The following ESPL1 variants were observed in gnomAD, a reference collection of about 807,000 sequenced individuals.
ESPL1 encodes separin.
ESPL1 carries 50 observed loss-of-function variants against 217.2 expected under a neutral mutation model. The observed-to-expected ratio is 0.23, with a 90% CI of 0.18 to 0.29. The LOEUF (loss-of-function observed/expected upper bound fraction) is 0.29, where lower values mean the gene tolerates loss of function less well. Among genes scored for constraint, ESPL1 ranks in the 10% least tolerant of loss-of-function variants. The pLI is 1.00. For synonymous variants in ESPL1, 994 were observed against 1,081.3 expected (o/e 0.92, Z 1.58); for missense variants, 1,834 against 2,603.0 (o/e 0.70, Z 6.43).
rs1394063461 is a variant in ESPL1 at position 53,274,802 on chromosome 12, C to T, written c.1507-15C>T. Reference sequence around the variant, plus strand: ...GGTTCCTCTCCAGTTTGGTCTGTTCCCTTTCTCTGGTCAGTTGCACAGGTG... The same window carrying T: ...GGTTCCTCTCCAGTTTGGTCTGTTCTCTTTCTCTGGTCAGTTGCACAGGTG... On this transcript the variant is annotated splice_polypyrimidine_tract_variant and intron_variant, in intron 6 of 30. Coordinates refer to ENST00000257934, the MANE Select transcript of ESPL1 (RefSeq NM_012291.5). The T allele has an allele frequency of 5.0e-6, 8 of 1,611,894 alleles. No individual in the cohort carries two copies. Among genetic ancestry groups the T allele is most frequent in the Non-Finnish European group, 5.9e-6 (7 of 1,178,560 alleles).
chr12:53,272,270 A>C (rs111814114), intron 5 of ESPL1, among the ~76,000 whole-genome samples: 3 of 152,252 alleles, frequency 2.0e-5, no homozygotes, highest in African/African-American at 7.2e-5. Context: ...CGTGATAAGA[A>C]ATGTGGGGGA....
intron 5 of ESPL1, 67 bp from the exon 6 acceptor site, chr12:53,272,654 G>C: frequency 1.3e-6 from 2 of 1,542,266 alleles, no homozygotes; most frequent in South Asian, 2.3e-5. Flanking sequence ...GATCTCTGCT[G>C]CCTCTCCAGG....
In ESPL1 at chr12:53,268,761, G is replaced by A. The variant is rs1196078292; in HGVS notation, c.-6G>A. 11 of 1,602,124 alleles carry A rather than the reference G, an allele frequency of 6.9e-6. No individual in the cohort carries two copies. Among genetic ancestry groups the A allele is most frequent in the Non-Finnish European group, 9.4e-6 (11 of 1,171,292 alleles). On this transcript the variant is annotated 5_prime_UTR_variant, in exon 2 of 31. Transcript: ENST00000257934. The stretch of plus-strand genomic sequence containing the variant: ...TTGGTCTCCTTTTCCCTAGCTCTCC[G>A]GTGTCATGAGGAGCTTCAAAAGAGT...
intron 16 of ESPL1, 55 bp from the exon 17 acceptor site, chr12:53,284,003 T>C (rs910858982): frequency 8.0e-5 from 104 of 1,305,658 alleles, no homozygotes; most frequent in Non-Finnish European, 1.1e-4. Flanking sequence ...AGAGAAAGAC[T>C]CTCCAGGAAA....
At chr12:53,291,352 G>T (rs1944056768) in intron 25 of ESPL1, among the ~76,000 whole-genome samples, 1 of 151,534 alleles carries the variant, frequency 6.6e-6, no homozygotes, top group Non-Finnish European at 1.5e-5. Flanking sequence ...CAGCACTTTG[G>T]GAGGCCGAGG....
chr12:53,283,007 T>C, intron 14 of ESPL1, 122 bp from the exon 15 acceptor site: 3 of 1,291,708 alleles, frequency 2.3e-6, no homozygotes, highest in Non-Finnish European at 3.3e-6. Flanking sequence ...AGTTATGAGA[T>C]TGATTAGCTC....
At position 53,290,410 on chromosome 12, in the gene ESPL1, A is replaced by G. The variant is rs1260061483; in HGVS notation, c.5305A>G (p.Ser1769Gly). The G allele has an allele frequency of 6.2e-7, 1 of 1,613,500 alleles. No individual in the cohort carries two copies. The highest frequency in any genetic ancestry group is 8.5e-7 in the Non-Finnish European group (1 of 1,179,968). The stretch of plus-strand genomic sequence containing the variant: ...CCAGAAGGCACAGAAAGAGAACAGC[A>G]GCTGTACTGACAAGCGAGAATGGTG... ...AIQKAQKENS[S>G]CTDKREWWTG... Residue 1769 changes from serine to glycine, a missense_variant, in exon 24 of 31, where the codon AGC (serine) becomes GGC (glycine). Around this residue, in one of 5 missense-constraint regions of ESPL1, gnomAD observed 295 missense variants for 519.8 expected, o/e 0.57. Transcript: ENST00000257934.
At chr12:53,279,625 G>C in intron 11 of ESPL1, 107 bp from the exon 12 acceptor site, 2 of 1,314,722 alleles carry the variant, frequency 1.5e-6, no homozygotes, top group South Asian at 2.5e-5. Context: ...TTCCACCCAG[G>C]CCCTGAGGTC....
chr12:53,279,586 G>T, intron 11 of ESPL1, 146 bp from the exon 12 acceptor site: 2 of 869,844 alleles, frequency 2.3e-6, no homozygotes, highest in Non-Finnish European at 3.6e-6. Flanking sequence ...TAGGGGTGGG[G>T]TGATGATTGC....
At chr12:53,288,837 CT>C in intron 20 of ESPL1, 138 bp downstream of exon 20, 1 of 550,284 alleles carries the variant, frequency 1.8e-6, no homozygotes, top group Admixed American at 3.7e-5. Flanking sequence ...AGCACTCTGT[CT>C]ATGAGCTGTG....
Position 53,289,082 on chromosome 12 carries a change from T to G in ESPL1, c.4709-8T>G. On this transcript the variant is annotated splice_polypyrimidine_tract_variant and splice_region_variant and intron_variant, in intron 20 of 30. Transcript: ENST00000257934. The stretch of plus-strand genomic sequence containing the variant: ...TCAGCTGTACCAAGTGTCCTGACGT[T>G]CTTCTAGGTCTTTCTACCCTGGACT... 1 of 1,607,320 alleles carries G rather than the reference T, an allele frequency of 6.2e-7. No homozygotes were observed. Among genetic ancestry groups the G allele is most frequent in the Admixed American group, 1.7e-5 (1 of 60,012 alleles).
At chr12:53,273,707 C>G (rs911919370) in intron 6 of ESPL1, among the ~76,000 whole-genome samples, 1 of 150,086 alleles carries the variant, frequency 6.7e-6, no homozygotes, top group Non-Finnish European at 1.5e-5. Context: ...TGCAGTGAGC[C>G]GAGATTGTGC....
At position 53,286,406 on chromosome 12, in the gene ESPL1, G is replaced by T; in HGVS notation, c.3670G>T (p.Ala1224Ser). 6.2e-7 allele frequency: 1 copy of T among 1,614,198 alleles called. No homozygotes were observed. The highest frequency in any genetic ancestry group is 8.5e-7 in the Non-Finnish European group (1 of 1,180,034). Residue 1224 changes from alanine to serine, a missense_variant, in exon 18 of 31, where the codon GCT becomes TCT. Physicochemically the swap from Ala to Ser is moderately conservative, Grantham distance 99. Coordinates refer to ENST00000257934, the MANE Select transcript of ESPL1 (RefSeq NM_012291.5). This position sits in a 1 kb window ranked among gnomAD's most constrained non-coding sequence, Gnocchi z 5.3. Reference sequence around the variant, plus strand: ...TCCAAGCCTCTTGGATGAGATCTTGGCTCAAGCATACACACTGTTGGCACT... The same window carrying T: ...TCCAAGCCTCTTGGATGAGATCTTGTCTCAAGCATACACACTGTTGGCACT... ...LVPSLLDEILAQAYTLLALEG... is the reference protein window; with the variant it reads ...LVPSLLDEILSQAYTLLALEG...
At chr12:53,272,177 C>G (rs1943688133) in intron 5 of ESPL1, among the ~76,000 whole-genome samples, 1 of 152,152 alleles carries the variant, frequency 6.6e-6, no homozygotes. Flanking sequence ...AACAAAGTTT[C>G]CTTCCCTCAT....
chr12:53,292,422 T>G lies in ESPL1; in HGVS notation c.5912+29T>G. The G allele has an allele frequency of 2.0e-6, 3 of 1,530,502 alleles. No homozygotes were observed. Among genetic ancestry groups the G allele is most frequent in the Non-Finnish European group, 2.7e-6 (3 of 1,103,870 alleles). 94.8% of individuals were successfully genotyped at this position (1,530,502 alleles called of 1,614,324 possible). A position where few individuals can be genotyped will look rare whatever the true frequency, so the allele number is the denominator to read the frequency against. On this transcript the variant is annotated intron_variant, in intron 28 of 30. Coordinates refer to ENST00000257934, the MANE Select transcript of ESPL1 (RefSeq NM_012291.5). This position sits in a 1 kb window ranked among gnomAD's most constrained non-coding sequence, Gnocchi z 4.5. ...AGGGGCGCGAAGACAAGAAGACGTG[T>G]GGGGAAGGGTAGACAACATACAGGG...
In ESPL1 at chr12:53,269,402, G is replaced by C. The variant is rs757958044; in HGVS notation, c.460G>C (p.Gly154Arg). ...GGGCAGCTTTTCTCTGCTTTGGAAG[G>C]GGGCAGAAGCCCTGTTGGAACGGCG... Reference protein sequence around the residue: ...ARGSFSLLWKGAEALLERRAA... With the variant: ...ARGSFSLLWKRAEALLERRAA... Residue 154 changes from glycine to arginine, a missense_variant, in exon 3 of 31, where the codon GGG (glycine) becomes CGG (arginine). Physicochemically the swap from Gly to Arg is moderately radical, Grantham distance 125. Around this residue, in one of 5 missense-constraint regions of ESPL1, gnomAD observed 746 missense variants for 1,077.0 expected, o/e 0.69. Transcript: ENST00000257934. The surrounding 1 kb of genome is among the most constrained non-coding windows in gnomAD (Gnocchi z 6.7). The C allele has an allele frequency of 1.2e-6, 2 of 1,613,980 alleles. No homozygotes were observed. Among genetic ancestry groups the C allele is most frequent in the East Asian group, 4.5e-5 (2 of 44,878 alleles).
In ESPL1 at chr12:53,268,392, G is replaced by C. The variant is rs1943605710; in HGVS notation, c.-13+15G>C. ...GCTCTGGGGCGGTAAGGCCGGAAGG[G>C]ACTCGTGAGCGTGGGTACGTGCTGA... On this transcript the variant is annotated intron_variant, in intron 1 of 30. Coordinates refer to ENST00000257934, the MANE Select transcript of ESPL1 (RefSeq NM_012291.5). 1 of 234,492 alleles carries C rather than the reference G, an allele frequency of 4.3e-6. No individual in the cohort carries two copies. Among genetic ancestry groups the C allele is most frequent in the Non-Finnish European group, 8.5e-6 (1 of 118,076 alleles). The allele number at this position is 234,492 out of a possible 1,614,324, so 14.5% of individuals were successfully genotyped here.
At chr12:53,278,165 C>T (rs1388408169) in intron 11 of ESPL1, among the ~76,000 whole-genome samples, 1 of 152,148 alleles carries the variant, frequency 6.6e-6, no homozygotes, top group Non-Finnish European at 1.5e-5. Flanking sequence ...AACCTAAGCC[C>T]AAGTTTCCTT....
chr12:53,290,787 T>G, intron 24 of ESPL1, 54 bp from the exon 25 acceptor site: 384 of 944,336 alleles, frequency 4.1e-4, no homozygotes, highest in Middle Eastern at 4.7e-4. Context: ...TCAGTGCCTG[T>G]GAGAAAGAAG....
Sources: gnomAD v4.1 joint callset for allele counts (sites outside exome capture counted in the v4.1 genomes callset) on GRCh38, gnomAD v4.1.1 for gene constraint, gnomAD v4.1.1 regional missense constraint, Gnocchi (gnomAD v3.1) non-coding constraint, MANE v1.5 for transcripts, NCBI Gene and HGNC (gene_info 2026-07-23, HGNC 2026-07-21) for gene names.